The following LAMA4 variants were observed in gnomAD, a reference collection of about 807,000 sequenced individuals.
The protein encoded by LAMA4 is laminin subunit alpha 4, also known as laminin subunit alpha-4.
A neutral mutation model predicts 207.1 loss-of-function variants in LAMA4; 127 were observed. That is an observed-to-expected ratio of 0.61 (90% CI 0.53 to 0.71). LAMA4 has a LOEUF of 0.71. LAMA4 is among the 30% of genes least tolerant of loss of function. The probability of loss-of-function intolerance (pLI) is 0.00; values close to 1 mark genes in which losing one functional copy is unlikely to be tolerated. For missense variants in LAMA4, 2,093 were observed against 2,246.5 expected (o/e 0.93, Z 1.38); for synonymous variants, 761 against 816.0 (o/e 0.93, Z 1.15).
At chr6:112,110,296 G>A (rs1777623527) in intron 38 of LAMA4, among the ~76,000 whole-genome samples, 2 of 152,166 alleles carry the variant, frequency 1.3e-5, no homozygotes, top group Non-Finnish European at 2.9e-5. Flanking sequence ...AATTTAAAGC[G>A]ATTTAGAGAG....
chr6:112,127,256 G>T (rs1554327958), intron 31 of LAMA4, among the ~76,000 whole-genome samples: 1 of 151,656 alleles, frequency 6.6e-6, no homozygotes, highest in African/African-American at 2.4e-5. Flanking sequence ...TACAATATAA[G>T]GACTATGAAA....
At chr6:112,235,031 C>T (rs1375703825) in intron 2 of LAMA4, among the ~76,000 whole-genome samples, 3 of 152,216 alleles carry the variant, frequency 2.0e-5, no homozygotes, top group African/African-American at 7.2e-5. Flanking sequence ...ACTGAGGATC[C>T]TCCTGACATC....
rs189763026 is a variant in LAMA4 at position 112,143,008 on chromosome 6, C to T, written c.2494-716G>A. On this transcript the variant is annotated intron_variant, in intron 19 of 38. Coordinates refer to ENST00000230538, the MANE Select transcript of LAMA4 (RefSeq NM_001105206.3). ...CCTCTTATAATGGCTCACAGAAAGG[C>T]ATCACAACAAAGCACAATTCAGTAA... 5.3e-5 allele frequency among the ~76,000 whole-genome samples: 8 copies of T among 152,262 alleles called. No homozygotes were observed. In the East Asian group the frequency reaches 1.5e-3, roughly 29 times the overall value.
chr6:112,177,144 T>G (rs1554344037), intron 10 of LAMA4, among the ~76,000 whole-genome samples: 2 of 152,216 alleles, frequency 1.3e-5, no homozygotes, highest in Non-Finnish European at 2.9e-5. Context: ...GTCAGGAAAC[T>G]CAAAAATATG....
intron 9 of LAMA4, among the ~76,000 whole-genome samples, chr6:112,183,521 G>T (rs114899260): frequency 0.017 from 2,512 of 152,168 alleles, 67 homozygotes; most frequent in African/African-American, 0.057. Context: ...TCCTCTCCAC[G>T]AAAGCCTGCA....
At chr6:112,250,661 C>G (rs548013559) in intron 2 of LAMA4, among the ~76,000 whole-genome samples, 35 of 152,328 alleles carry the variant, frequency 2.3e-4, no homozygotes, top group Non-Finnish European at 4.4e-4. Flanking sequence ...TTCCACCTTG[C>G]CCTGTCAGAA....
At chr6:112,169,155 C>A (rs185571201) in intron 12 of LAMA4, among the ~76,000 whole-genome samples, 1 of 152,032 alleles carries the variant, frequency 6.6e-6, no homozygotes, top group Non-Finnish European at 1.5e-5. Context: ...ACCTTGAAAT[C>A]GAATCTGGCA....
At chr6:112,150,483 T>G in intron 17 of LAMA4, 28 bp downstream of exon 17, 2 of 1,358,638 alleles carry the variant, frequency 1.5e-6, no homozygotes, top group Non-Finnish European at 2.1e-6. Context: ...AATCAACAGA[T>G]GAGACTTCAA....
At chr6:112,174,947 CAT>C (rs781845311) in intron 11 of LAMA4, among the ~76,000 whole-genome samples, 2 of 152,248 alleles carry the variant, frequency 1.3e-5, no homozygotes, top group African/African-American at 2.4e-5. Context: ...GTCTTCACAA[CAT>C]GAATGTTTCT....
At position 112,108,615 on chromosome 6, in the gene LAMA4, C is replaced by T. The variant is rs1260882513; in HGVS notation, c.*822G>A. On this transcript the variant is annotated 3_prime_UTR_variant, in exon 39 of 39. Transcript: ENST00000230538. ...CAGAGATGGGATCTCATTATGTTGC[C>T]CAGGCTAGGAGCAAACTTTTAATAA... 3 of 152,038 alleles carry T rather than the reference C, an allele frequency of 2.0e-5. No homozygotes were observed. Among genetic ancestry groups the T allele is most frequent in the Non-Finnish European group, 4.4e-5 (3 of 68,020 alleles). 9.4% of individuals were successfully genotyped at this position (152,038 alleles called of 1,614,324 possible). A position where few individuals can be genotyped will look rare whatever the true frequency, so the allele number is the denominator to read the frequency against.
chr6:112,246,417 A>C (rs1315479843), intron 2 of LAMA4, among the ~76,000 whole-genome samples: 3 of 151,984 alleles, frequency 2.0e-5, no homozygotes, highest in Non-Finnish European at 2.9e-5. Flanking sequence ...ACTCTAAAGT[A>C]GGGGAGTGTT....
At chr6:112,136,465 G>A (rs1319141926) in intron 24 of LAMA4, among the ~76,000 whole-genome samples, 2 of 152,146 alleles carry the variant, frequency 1.3e-5, no homozygotes, top group African/African-American at 4.8e-5. Context: ...GCCGAGGCAG[G>A]TGGATCACTT....
chr6:112,204,046 A>G (rs1445400905), intron 4 of LAMA4, among the ~76,000 whole-genome samples: 19 of 152,220 alleles, frequency 1.2e-4, no homozygotes, highest in Admixed American at 7.9e-4. Context: ...TTTCTTAAAG[A>G]GTTAACAGCA....
chr6:112,199,998 C>T, intron 5 of LAMA4: 2 of 456,406 alleles, frequency 4.4e-6, no homozygotes, highest in South Asian at 3.3e-5. Context: ...TGCCTAAACA[C>T]AATGGTGAGG....
chr6:112,184,767 G>C (rs1025811927), intron 9 of LAMA4, among the ~76,000 whole-genome samples: 8 of 152,070 alleles, frequency 5.3e-5, no homozygotes, highest in African/African-American at 1.9e-4. Flanking sequence ...ATAAAGTGAT[G>C]GTTGAAAGTG....
At chr6:112,128,806 C>A in intron 31 of LAMA4, 116 bp downstream of exon 31, 1 of 826,524 alleles carries the variant, frequency 1.2e-6, no homozygotes, top group Non-Finnish European at 2.0e-6. Flanking sequence ...AGAATCCCAT[C>A]TTTCCTATGT....
chr6:112,254,390 T>G, intron 1 of LAMA4, 69 bp downstream of exon 1: 1 of 552,544 alleles, frequency 1.8e-6, no homozygotes, highest in Non-Finnish European at 3.1e-6. Context: ...CCTCTCCCTC[T>G]CCCTCTTTCA....
At chr6:112,131,649 G>A (rs1779040724) in intron 28 of LAMA4, among the ~76,000 whole-genome samples, 1 of 152,044 alleles carries the variant, frequency 6.6e-6, no homozygotes, top group Non-Finnish European at 1.5e-5. Context: ...TCTTAAGTCT[G>A]CCCTCAAAAT....
In LAMA4 at chr6:112,254,496, C is replaced by T. The variant is rs1261926666; in HGVS notation, c.-179G>A. The T allele has an allele frequency of 2.6e-6, 1 of 383,232 alleles. No individual in the cohort carries two copies. The highest frequency in any genetic ancestry group is 5.0e-6 in the Non-Finnish European group (1 of 202,002). The allele number at this position is 383,232 out of a possible 1,614,324, so 23.7% of individuals were successfully genotyped here. Reference sequence around the variant, plus strand: ...AAAGGCAGACGGATTGGGGTGAGCCCCGCCAGCGCTAGGCCACCTCCTCTC... The same window carrying T: ...AAAGGCAGACGGATTGGGGTGAGCCTCGCCAGCGCTAGGCCACCTCCTCTC... On this transcript the variant is annotated 5_prime_UTR_variant, in exon 1 of 39. Coordinates refer to ENST00000230538, the MANE Select transcript of LAMA4 (RefSeq NM_001105206.3).
Sources: gnomAD v4.1 joint callset for allele counts (sites outside exome capture counted in the v4.1 genomes callset) on GRCh38, gnomAD v4.1.1 for gene constraint, MANE v1.5 for transcripts, NCBI Gene and HGNC (gene_info 2026-07-23, HGNC 2026-07-21) for gene names.